Variants in SLC35F1 observed in about 807,000 individuals in gnomAD.
SLC35F1 encodes chromosome 6 open reading frame 169.
In SLC35F1, 14 loss-of-function variants were observed where a neutral mutation model predicts 48.7. That is an observed-to-expected ratio of 0.29 (90% CI 0.19 to 0.45). SLC35F1 has a LOEUF of 0.45. Among genes scored for constraint, SLC35F1 ranks in the 20% least tolerant of loss-of-function variants. The pLI, the probability that SLC35F1 is intolerant of heterozygous loss-of-function variation, is 1.00. For missense variants in SLC35F1, 404 were observed against 500.0 expected (o/e 0.81, Z 1.83); for synonymous variants, 190 against 202.2 (o/e 0.94, Z 0.51).
intron 1 of SLC35F1, among the ~76,000 whole-genome samples, chr6:118,015,187 C>A (rs1165360159): frequency 1.3e-5 from 2 of 152,178 alleles, no homozygotes; most frequent in Non-Finnish European, 2.9e-5. Flanking sequence ...CATTAAACCT[C>A]TTTTTCCTTA....
chr6:118,313,625 T>C (rs960352488), intron 7 of SLC35F1, among the ~76,000 whole-genome samples: 1 of 152,210 alleles, frequency 6.6e-6, no homozygotes, highest in Non-Finnish European at 1.5e-5. Context: ...TATGGCTTCA[T>C]TACAACCCTA....
intron 2 of SLC35F1, among the ~76,000 whole-genome samples, chr6:118,171,321 A>G (rs1477103983): frequency 6.6e-6 from 1 of 152,170 alleles, no homozygotes; most frequent in Non-Finnish European, 1.5e-5. Context: ...GTGAGCTACC[A>G]TGCCCAGCCT....
intron 1 of SLC35F1, among the ~76,000 whole-genome samples, chr6:117,940,344 G>A (rs1776214486): frequency 6.6e-6 from 1 of 152,168 alleles, no homozygotes; most frequent in Non-Finnish European, 1.5e-5. Context: ...GGTCATCTGG[G>A]ACATTTAATC....
At chr6:118,070,902 CTA>C (rs71707789) in intron 1 of SLC35F1, among the ~76,000 whole-genome samples, 3 of 129,762 alleles carry the variant, frequency 2.3e-5, no homozygotes, top group African/African-American at 9.1e-5. Context: ...AATATATATA[CTA>C]TATATATATA....
chr6:118,128,415 T>A (rs1460545787), intron 1 of SLC35F1, among the ~76,000 whole-genome samples: 6 of 150,120 alleles, frequency 4.0e-5, no homozygotes, highest in African/African-American at 1.5e-4. Flanking sequence ...CCAACCCAAA[T>A]GTCCAACAAT....
At chr6:118,212,177 G>C (rs1487966474) in intron 2 of SLC35F1, among the ~76,000 whole-genome samples, 2 of 152,142 alleles carry the variant, frequency 1.3e-5, no homozygotes, top group Non-Finnish European at 2.9e-5. Flanking sequence ...ATCTTGAATG[G>C]AGTGGGACAA....
At chr6:117,945,198 T>G (rs986221497) in intron 1 of SLC35F1, among the ~76,000 whole-genome samples, 2 of 152,224 alleles carry the variant, frequency 1.3e-5, no homozygotes, top group Non-Finnish European at 2.9e-5. Flanking sequence ...GTGGGTCATC[T>G]GGCAATTGCC....
chr6:118,048,027 A>T (rs2114907328), intron 1 of SLC35F1, among the ~76,000 whole-genome samples: 1 of 152,286 alleles, frequency 6.6e-6, no homozygotes, highest in South Asian at 2.1e-4. Flanking sequence ...TTTGTCATAG[A>T]TAGCTCTCAT....
At chr6:118,100,077 CTCTT>C (rs1416230298) in intron 1 of SLC35F1, among the ~76,000 whole-genome samples, 1 of 152,122 alleles carries the variant, frequency 6.6e-6, no homozygotes, top group East Asian at 1.9e-4. Flanking sequence ...TTATTATACT[CTCTT>C]TATAAGTGAA....
chr6:118,286,273 A>T (rs1776047917), intron 7 of SLC35F1, among the ~76,000 whole-genome samples: 1 of 152,210 alleles, frequency 6.6e-6, no homozygotes, highest in Non-Finnish European at 1.5e-5. Context: ...GTGGTATTAC[A>T]GCCACCATCC....
At chr6:118,294,612 A>G (rs1241136110) in intron 7 of SLC35F1, among the ~76,000 whole-genome samples, 3 of 152,216 alleles carry the variant, frequency 2.0e-5, no homozygotes, top group Non-Finnish European at 4.4e-5. Context: ...ATTAAAACAA[A>G]CTAGAAACTA....
chr6:118,090,543 GA>G (rs1219588492), intron 1 of SLC35F1, among the ~76,000 whole-genome samples: 4 of 152,130 alleles, frequency 2.6e-5, no homozygotes, highest in African/African-American at 9.7e-5. Context: ...ATAAATACTT[GA>G]GTGAAAATTC....
At chr6:118,018,896 C>G (rs893585136) in intron 1 of SLC35F1, among the ~76,000 whole-genome samples, 1 of 152,154 alleles carries the variant, frequency 6.6e-6, no homozygotes, top group Non-Finnish European at 1.5e-5. Flanking sequence ...CTCCAATACA[C>G]GTGCCATGAC....
chr6:117,923,597 G>GTATA lies in SLC35F1; in HGVS notation c.173+15699_173+15700insATAT, dbSNP rs1562238389. Among the ~76,000 whole-genome samples the GTATA allele has an allele frequency of 4.2e-3, 61 of 14,422 alleles. 7 individuals carry two copies. The highest frequency in any genetic ancestry group is 8.2e-3 in the South Asian group (2 of 244). 9.5% of individuals were successfully genotyped at this position (14,422 alleles called of 152,430 possible). On this transcript the variant is annotated intron_variant, in intron 1 of 7. Transcript: ENST00000360388. Reference sequence around the variant, plus strand: ...CATATGTGTGTGTATATATACATATGTGTATATATACATATACATATGTAT... The same window carrying GTATA: ...CATATGTGTGTGTATATATACATATGTATATGTATATATACATATACATATGTAT...
intron 1 of SLC35F1, 126 bp from the exon 2 acceptor site, chr6:118,154,319 A>T (rs2114468410): frequency 1.3e-6 from 1 of 775,200 alleles, no homozygotes; most frequent in African/African-American, 1.7e-5. Flanking sequence ...TTGATGGACT[A>T]AAGGGAATAA....
At chr6:118,158,995 C>A (rs1455522639) in intron 2 of SLC35F1, among the ~76,000 whole-genome samples, 1 of 151,636 alleles carries the variant, frequency 6.6e-6, no homozygotes, top group Non-Finnish European at 1.5e-5. Flanking sequence ...CCAAGGCGGG[C>A]AGACCACGAG....
At chr6:117,929,745 T>C (rs183434288) in intron 1 of SLC35F1, among the ~76,000 whole-genome samples, 1 of 152,256 alleles carries the variant, frequency 6.6e-6, no homozygotes. Context: ...AGCTAACTGA[T>C]TGTAAAAGCT....
chr6:118,266,286 A>G (rs1397221018), intron 3 of SLC35F1, among the ~76,000 whole-genome samples: 1 of 152,230 alleles, frequency 6.6e-6, no homozygotes, highest in African/African-American at 2.4e-5. Flanking sequence ...CTTACATGTC[A>G]GATGGAATCT....
chr6:118,289,306 A>G (rs1776089333), intron 7 of SLC35F1, among the ~76,000 whole-genome samples: 2 of 152,216 alleles, frequency 1.3e-5, no homozygotes, highest in Non-Finnish European at 2.9e-5. Flanking sequence ...TGCTGTGAAC[A>G]TTCATGTACA....
Sources: allele counts gnomAD v4.1 joint callset (sites outside exome capture counted in the v4.1 genomes callset), GRCh38; gene constraint gnomAD v4.1.1; transcripts MANE v1.5; gene names NCBI Gene and HGNC (gene_info 2026-07-23, HGNC 2026-07-21).